The following GRIA1 variants were observed in gnomAD, a reference collection of about 807,000 sequenced individuals.
The protein encoded by GRIA1 is glutamate ionotropic receptor AMPA type subunit 1, also known as glutamate receptor 1.
A neutral mutation model predicts 99.2 loss-of-function variants in GRIA1; 31 were observed. The ratio of observed to expected loss-of-function variants is 0.31; its 90% CI spans 0.23 to 0.42. The LOEUF (loss-of-function observed/expected upper bound fraction) is 0.42. GRIA1 is among the 10% of genes least tolerant of loss of function. The pLI, the probability that GRIA1 is intolerant of heterozygous loss-of-function variation, is 1.00. For synonymous variants in GRIA1, 438 were observed against 432.4 expected, an observed-to-expected ratio of 1.01 and a Z score of -0.16; for missense variants, 782 against 1,157.5, an observed-to-expected ratio of 0.68 and a Z score of 4.71.
Position 153,572,459 on chromosome 5 carries a change from T to G in GRIA1, c.221-74469T>G, listed in dbSNP as rs555413960. Among the ~76,000 whole-genome samples the G allele has an allele frequency of 7.2e-5, 11 of 152,268 alleles. No individual in the cohort carries two copies. In the South Asian group the frequency reaches 2.3e-3, roughly 32 times the overall value. On this transcript the variant is annotated intron_variant, in intron 2 of 15. Coordinates refer to ENST00000285900, the MANE Select transcript of GRIA1 (RefSeq NM_000827.4). ...GAGAGTTACTTTACCTTTAGATAAG[T>G]TTTTCTCTTCTGCCCAGAGTGCTTT...
chr5:153,548,554 G>T (rs373880791), intron 2 of GRIA1, among the ~76,000 whole-genome samples: 2 of 152,078 alleles, frequency 1.3e-5, no homozygotes, highest in African/African-American at 4.8e-5. Context: ...TTTCAATCAG[G>T]CCAATTTTTA....
At chr5:153,770,079 G>C (rs1301563972) in intron 12 of GRIA1, 89 bp from the exon 13 acceptor site, 3 of 1,317,980 alleles carry the variant, frequency 2.3e-6, no homozygotes. Context: ...ATGAATGTGT[G>C]ATCAAGCTAC....
intron 11 of GRIA1, among the ~76,000 whole-genome samples, chr5:153,710,054 C>A (rs945598200): frequency 6.6e-6 from 1 of 152,108 alleles, no homozygotes; most frequent in Non-Finnish European, 1.5e-5. Context: ...GACTCCTCCA[C>A]CCACCCTTTG....
intron 2 of GRIA1, among the ~76,000 whole-genome samples, chr5:153,528,710 A>C (rs1276256064): frequency 6.6e-6 from 1 of 152,160 alleles, no homozygotes; most frequent in Non-Finnish European, 1.5e-5. Context: ...AATTTTCCAA[A>C]ACTGGTCTTC....
At chr5:153,649,498 C>T (rs1460301931) in intron 3 of GRIA1, among the ~76,000 whole-genome samples, 2 of 152,032 alleles carry the variant, frequency 1.3e-5, no homozygotes, top group Non-Finnish European at 2.9e-5. Context: ...ACTCTTGTCA[C>T]CCAGGCTGGA....
intron 13 of GRIA1, among the ~76,000 whole-genome samples, chr5:153,784,510 A>C (rs1192939949): frequency 1.3e-5 from 2 of 152,204 alleles, no homozygotes; most frequent in Non-Finnish European, 2.9e-5. Context: ...ATAAGATCGC[A>C]GAACTCTCTG....
intron 2 of GRIA1, among the ~76,000 whole-genome samples, chr5:153,532,731 A>G (rs4958661): frequency 0.65 from 98,100 of 151,984 alleles, 32,017 homozygotes; most frequent in East Asian, 0.83. Context: ...TCTTGGTAAA[A>G]CCTCCTGGTG....
intron 2 of GRIA1, among the ~76,000 whole-genome samples, chr5:153,509,774 T>C (rs186547952): frequency 1.3e-5 from 2 of 152,290 alleles, no homozygotes; most frequent in Non-Finnish European, 2.9e-5. Flanking sequence ...GGAGATCAAC[T>C]TGGAAAGTGC....
chr5:153,666,814 T>C (rs143652225), intron 5 of GRIA1, among the ~76,000 whole-genome samples: 18 of 152,332 alleles, frequency 1.2e-4, no homozygotes, highest in African/African-American at 4.1e-4. Flanking sequence ...CTTGTAATTA[T>C]TGTTTTAGCC....
intron 2 of GRIA1, among the ~76,000 whole-genome samples, chr5:153,586,726 T>C (rs1032677309): frequency 6.6e-6 from 1 of 152,168 alleles, no homozygotes; most frequent in African/African-American, 2.4e-5. Context: ...TGGAGTGCTT[T>C]TTCCACCATG....
chr5:153,636,923 A>G (rs1753405841), intron 2 of GRIA1, among the ~76,000 whole-genome samples: 1 of 152,256 alleles, frequency 6.6e-6, no homozygotes, highest in South Asian at 2.1e-4. Flanking sequence ...GGCACAGGCC[A>G]TGGAGTAGGA....
intron 13 of GRIA1, among the ~76,000 whole-genome samples, chr5:153,778,192 A>AGTGT (rs61414750): frequency 4.2e-3 from 157 of 37,362 alleles, no homozygotes; most frequent in East Asian, 0.015. Context: ...AGAGAGAGAG[A>AGTGT]GTGTGTGTGT....
chr5:153,499,594 A>G (rs1299955388), intron 2 of GRIA1, among the ~76,000 whole-genome samples: 1 of 146,050 alleles, frequency 6.8e-6, no homozygotes, highest in East Asian at 2.0e-4. Flanking sequence ...CAGCCTGGCA[A>G]CAGAGCGAGA....
intron 2 of GRIA1, among the ~76,000 whole-genome samples, chr5:153,580,350 TA>T (rs1253257448): frequency 6.6e-6 from 1 of 152,368 alleles, no homozygotes; most frequent in South Asian, 2.1e-4. Flanking sequence ...TTGGGCAAGG[TA>T]AATCTTCAAG....
At chr5:153,527,442 G>A (rs777087393) in intron 2 of GRIA1, among the ~76,000 whole-genome samples, 1 of 152,134 alleles carries the variant, frequency 6.6e-6, no homozygotes, top group Non-Finnish European at 1.5e-5. Flanking sequence ...GCAGACATGT[G>A]GGCTTAATTT....
intron 11 of GRIA1, among the ~76,000 whole-genome samples, chr5:153,757,704 A>G (rs1245923564): frequency 6.6e-6 from 1 of 152,222 alleles, no homozygotes; most frequent in African/African-American, 2.4e-5. Context: ...TACCCAGAAA[A>G]GCTATTTGTC....
intron 11 of GRIA1, among the ~76,000 whole-genome samples, chr5:153,761,769 G>C (rs769313678): frequency 6.6e-6 from 1 of 152,044 alleles, no homozygotes; most frequent in Non-Finnish European, 1.5e-5. Flanking sequence ...ATCAACTTAC[G>C]TGCCCATCAA....
intron 1 of GRIA1, chr5:153,492,033 A>T: frequency 1.1e-6 from 1 of 897,248 alleles, no homozygotes; most frequent in South Asian, 2.4e-5. Context: ...GGAATGAAGC[A>T]AGCTGCTGTG....
intron 2 of GRIA1, among the ~76,000 whole-genome samples, chr5:153,528,451 CA>C: frequency 6.6e-6 from 1 of 152,118 alleles, no homozygotes; most frequent in Non-Finnish European, 1.5e-5. Flanking sequence ...CTGAGGTTCT[CA>C]AGCTTTTATG....
Sources: gnomAD v4.1 joint callset for allele counts (sites outside exome capture counted in the v4.1 genomes callset) on GRCh38, gnomAD v4.1.1 for gene constraint, MANE v1.5 for transcripts, NCBI Gene and HGNC (gene_info 2026-07-23, HGNC 2026-07-21) for gene names.